GALNT13: variants seen among roughly 807,000 people sequenced by gnomAD.
The protein encoded by GALNT13 is UDP-GalNAc:polypeptide N-acetylgalactosaminyltransferase 13.
GALNT13 carries 28 observed loss-of-function variants against 64.2 expected under a neutral mutation model. That is an observed-to-expected ratio of 0.44 (90% CI 0.32 to 0.60). GALNT13 has a LOEUF of 0.60. Among genes scored for constraint, GALNT13 ranks in the 20% least tolerant of loss-of-function variants. The probability of loss-of-function intolerance (pLI) is 0.05; values close to 1 mark genes in which losing one functional copy is unlikely to be tolerated. For synonymous variants in GALNT13, 214 were observed against 224.6 expected (o/e 0.95, Z 0.42); for missense variants, 577 against 669.8 (o/e 0.86, Z 1.53).
the GALNT13 span, among the ~76,000 whole-genome samples, chr2:153,614,683 G>A: frequency 1.3e-5 from 2 of 152,100 alleles, no homozygotes; most frequent in Non-Finnish European, 1.5e-5. Context: ...AATTTCGATT[G>A]TAGAATTGCT....
At chr2:154,366,362 GTA>G (rs941591225) in intron 9 of GALNT13, among the ~76,000 whole-genome samples, 4 of 152,164 alleles carry the variant, frequency 2.6e-5, no homozygotes, top group African/African-American at 4.8e-5. Flanking sequence ...ATTTAAGGAT[GTA>G]TATGTCACTC....
At chr2:153,760,189 G>C in the GALNT13 span, among the ~76,000 whole-genome samples, 1 of 151,652 alleles carries the variant, frequency 6.6e-6, no homozygotes, top group African/African-American at 2.4e-5. Flanking sequence ...GTTAGTCTAG[G>C]TGAAGTTTCA....
At chr2:153,438,276 A>G in the GALNT13 span, among the ~76,000 whole-genome samples, 6 of 151,882 alleles carry the variant, frequency 4.0e-5, no homozygotes, top group Non-Finnish European at 5.9e-5. Flanking sequence ...CTTCATTTCA[A>G]CTTTGGTGAA....
the GALNT13 span, among the ~76,000 whole-genome samples, chr2:153,616,737 C>T: frequency 3.7e-3 from 558 of 152,010 alleles, 4 homozygotes; most frequent in African/African-American, 0.013. Flanking sequence ...TCACTGTTGA[C>T]ATATAGAAAT....
chr2:154,088,797 T>C (rs1168402497), intron 3 of GALNT13, among the ~76,000 whole-genome samples: 2 of 152,132 alleles, frequency 1.3e-5, no homozygotes, highest in Non-Finnish European at 2.9e-5. Flanking sequence ...TTGAAAAACA[T>C]TTTTGCATAA....
At chr2:154,294,292 A>C (rs1027064488) in intron 8 of GALNT13, among the ~76,000 whole-genome samples, 9 of 152,224 alleles carry the variant, frequency 5.9e-5, no homozygotes, top group Non-Finnish European at 1.0e-4. Context: ...TACAAATATC[A>C]ATGCTTGCAG....
intron 9 of GALNT13, among the ~76,000 whole-genome samples, chr2:154,329,625 T>C (rs1369758564): frequency 6.6e-6 from 1 of 152,064 alleles, no homozygotes; most frequent in Non-Finnish European, 1.5e-5. Context: ...GTTTGTCCCC[T>C]CAAACTTCAT....
chr2:154,054,959 A>G (rs1282934150), intron 3 of GALNT13, among the ~76,000 whole-genome samples: 1 of 151,764 alleles, frequency 6.6e-6, no homozygotes, highest in Non-Finnish European at 1.5e-5. Context: ...TGATAAAATA[A>G]GATATGGGAC....
chr2:153,458,304 A>C, the GALNT13 span, among the ~76,000 whole-genome samples: 5 of 152,080 alleles, frequency 3.3e-5, no homozygotes, highest in Admixed American at 6.6e-5. Context: ...TGCCTACCTC[A>C]GCCGACATCT....
chr2:153,522,494 G>C, the GALNT13 span, among the ~76,000 whole-genome samples: 2 of 152,130 alleles, frequency 1.3e-5, no homozygotes, highest in Non-Finnish European at 2.9e-5. Context: ...ATTCTTACCT[G>C]CACTGAATGA....
At chr2:153,816,054 G>A in the GALNT13 span, among the ~76,000 whole-genome samples, 1 of 152,164 alleles carries the variant, frequency 6.6e-6, no homozygotes, top group African/African-American at 2.4e-5. Context: ...CCAGTTCCAT[G>A]TTCTGTGAGG....
chr2:153,390,145 G>A, the GALNT13 span, among the ~76,000 whole-genome samples: 1 of 152,108 alleles, frequency 6.6e-6, no homozygotes, highest in African/African-American at 2.4e-5. Context: ...AATAGGATGA[G>A]TTCATGTCTT....
intron 3 of GALNT13, among the ~76,000 whole-genome samples, chr2:153,990,844 G>T (rs1282279993): frequency 6.6e-6 from 1 of 152,162 alleles, no homozygotes; most frequent in Non-Finnish European, 1.5e-5. Context: ...TGTACAAATG[G>T]TGATAGCTGT....
the GALNT13 span, among the ~76,000 whole-genome samples, chr2:153,542,323 AAAAC>A: frequency 4.7e-4 from 59 of 124,468 alleles, no homozygotes; most frequent in South Asian, 1.2e-3. Context: ...TCCATCTCAA[AAAAC>A]AAACAAACAA....
chr2:153,562,209 T>C, the GALNT13 span, among the ~76,000 whole-genome samples: 1 of 152,176 alleles, frequency 6.6e-6, no homozygotes, highest in Admixed American at 6.6e-5. Context: ...ACTAAAAAAA[T>C]AGTCCAGTGT....
At chr2:154,197,890 G>C (rs1323397719) in intron 4 of GALNT13, among the ~76,000 whole-genome samples, 2 of 150,190 alleles carry the variant, frequency 1.3e-5, no homozygotes, top group Non-Finnish European at 3.0e-5. Context: ...AAACACAAAT[G>C]GTCAACAAAT....
the GALNT13 span, among the ~76,000 whole-genome samples, chr2:153,347,569 G>T: frequency 6.6e-5 from 10 of 152,140 alleles, no homozygotes; most frequent in African/African-American, 1.7e-4. Context: ...TACCATGAAG[G>T]CATATAGCAC....
chr2:154,240,562 T>A (rs1689426604), intron 4 of GALNT13, among the ~76,000 whole-genome samples: 1 of 152,160 alleles, frequency 6.6e-6, no homozygotes, highest in Non-Finnish European at 1.5e-5. Flanking sequence ...GTGGCTTGCT[T>A]CTTCAGTGCC....
intron 3 of GALNT13, among the ~76,000 whole-genome samples, chr2:154,051,318 C>G (rs1244784350): frequency 4.9e-5 from 6 of 123,452 alleles, no homozygotes; most frequent in African/African-American, 1.8e-4. Context: ...GAGTCTCGCT[C>G]TGTCGCCCAG....
Sources: gnomAD v4.1 joint callset for allele counts (sites outside exome capture counted in the v4.1 genomes callset) on GRCh38, gnomAD v4.1.1 for gene constraint, MANE v1.5 for transcripts, NCBI Gene and HGNC (gene_info 2026-07-23, HGNC 2026-07-21) for gene names.